SHANK2: variants seen among roughly 807,000 people sequenced by gnomAD.
SHANK2 encodes the protein SH3 and multiple ankyrin repeat domains protein 2.
SHANK2 carries 43 observed loss-of-function variants against 133.7 expected under a neutral mutation model. The observed-to-expected ratio is 0.32, with a 90% confidence interval of 0.25 to 0.41. The LOEUF (loss-of-function observed/expected upper bound fraction) is 0.41, where lower values mean the gene tolerates loss of function less well. Among genes scored for constraint, SHANK2 ranks in the 10% least tolerant of loss-of-function variants. SHANK2 has a pLI of 1.00. For synonymous variants in SHANK2, 1,017 were observed against 952.8 expected (o/e 1.07, Z -1.24); for missense variants, 1,994 against 2,235.8 (o/e 0.89, Z 2.18).
At chr11:70,572,273 C>T (rs1183131982) in intron 17 of SHANK2, among the ~76,000 whole-genome samples, 5 of 152,232 alleles carry the variant, frequency 3.3e-5, no homozygotes, top group Non-Finnish European at 5.9e-5. Context: ...GATTCTCCTG[C>T]CTCAGCCTCC....
intron 14 of SHANK2, among the ~76,000 whole-genome samples, chr11:70,701,568 T>C (rs530550972): frequency 6.7e-6 from 1 of 150,058 alleles, no homozygotes; most frequent in Admixed American, 6.6e-5. Flanking sequence ...GCCCAGCTAA[T>C]TTTTATATTT....
chr11:71,111,284 C>T (rs1201959426), intron 5 of SHANK2, among the ~76,000 whole-genome samples: 1 of 152,164 alleles, frequency 6.6e-6, no homozygotes, highest in Non-Finnish European at 1.5e-5. Flanking sequence ...GAGTGAGGCC[C>T]GCAGATTGGT....
intron 17 of SHANK2, among the ~76,000 whole-genome samples, chr11:70,559,847 C>T (rs10899158): frequency 0.22 from 33,531 of 150,238 alleles, 4,198 homozygotes; most frequent in East Asian, 0.42. Flanking sequence ...CCCAGACCAC[C>T]CATATTCTGG....
chr11:70,606,332 G>A (rs782458938), intron 17 of SHANK2, among the ~76,000 whole-genome samples: 6 of 151,988 alleles, frequency 3.9e-5, no homozygotes, highest in South Asian at 2.1e-4. Context: ...TGGGAGGATC[G>A]CTTGAGGCCA....
intron 14 of SHANK2, among the ~76,000 whole-genome samples, chr11:70,713,601 G>T (rs1052215897): frequency 6.6e-6 from 1 of 152,220 alleles, no homozygotes; most frequent in South Asian, 2.1e-4. Flanking sequence ...CCAGGGTGAG[G>T]TGTCAGCCTC....
chr11:70,561,750 G>T (rs551069), intron 17 of SHANK2, among the ~76,000 whole-genome samples: 1 of 152,026 alleles, frequency 6.6e-6, no homozygotes, highest in Non-Finnish European at 1.5e-5. Flanking sequence ...GCCCAGGCTG[G>T]TCTTGAACTC....
chr11:70,876,710 G>A (rs1429954301), intron 11 of SHANK2, among the ~76,000 whole-genome samples: 1 of 152,178 alleles, frequency 6.6e-6, no homozygotes, highest in Non-Finnish European at 1.5e-5. Context: ...GGCTGCAGCA[G>A]GTGACAACAC....
At chr11:70,505,688 TGGG>T (rs782247292) in intron 17 of SHANK2, among the ~76,000 whole-genome samples, 42 of 151,982 alleles carry the variant, frequency 2.8e-4, no homozygotes, top group Admixed American at 7.9e-4. Context: ...ATCTGATGCT[TGGG>T]GAGAGTACGA....
intron 1 of SHANK2, among the ~76,000 whole-genome samples, chr11:71,241,108 C>T (rs1555124347): frequency 2.0e-5 from 3 of 152,198 alleles, no homozygotes; most frequent in African/African-American, 7.2e-5. Context: ...TGAAAGCTAG[C>T]TCTGTGCACG....
chr11:70,550,083 G>A (rs1439335892), intron 17 of SHANK2, among the ~76,000 whole-genome samples: 5 of 152,274 alleles, frequency 3.3e-5, no homozygotes, highest in African/African-American at 1.2e-4. Context: ...AGCAGCTCAG[G>A]CCTACCAGCT....
intron 6 of SHANK2, among the ~76,000 whole-genome samples, chr11:71,106,510 T>C (rs4285899): frequency 0.59 from 89,565 of 151,586 alleles, 26,552 homozygotes; most frequent in South Asian, 0.67. Context: ...AAGGTAACTC[T>C]GTGCTACTGT....
intron 2 of SHANK2, among the ~76,000 whole-genome samples, chr11:71,165,061 T>C (rs1953112703): frequency 1.3e-5 from 2 of 150,000 alleles, no homozygotes; most frequent in Admixed American, 6.7e-5. Context: ...TGAGATGGAG[T>C]CTCACTGTGT....
At chr11:70,771,413 G>A (rs1947247270) in intron 14 of SHANK2, among the ~76,000 whole-genome samples, 1 of 152,214 alleles carries the variant, frequency 6.6e-6, no homozygotes, top group Non-Finnish European at 1.5e-5. Context: ...CCATCCCAGG[G>A]CAGTGGCATC....
At chr11:70,748,671 A>G (rs1221949512) in intron 14 of SHANK2, among the ~76,000 whole-genome samples, 3 of 152,190 alleles carry the variant, frequency 2.0e-5, no homozygotes, top group African/African-American at 7.2e-5. Flanking sequence ...CCCACCCCCA[A>G]TATAATTCCT....
rs113579865 is a variant in SHANK2 at position 70,599,714 on chromosome 11, C to A, written c.2061+60114G>T. ...GGCTAAGGCAGGAGAATTGTTTGAA[C>A]CTGGGAGGAAGAGGTTGCAGTGAGT... On this transcript the variant is annotated intron_variant, in intron 17 of 25. Transcript: ENST00000601538. 2.0e-5 allele frequency among the ~76,000 whole-genome samples: 3 copies of A among 147,076 alleles called. No homozygotes were observed. The South Asian group carries it at 6.6e-4, about 32-fold the overall frequency.
chr11:70,603,727 CAA>C (rs2060531826), intron 17 of SHANK2: 1 of 152,770 alleles, frequency 6.5e-6, no homozygotes, highest in Non-Finnish European at 1.5e-5. Context: ...CAGAAAAACT[CAA>C]GAGGCGCCAG....
intron 3 of SHANK2, among the ~76,000 whole-genome samples, chr11:71,131,730 A>G (rs11232176): frequency 0.13 from 19,108 of 152,222 alleles, 1,362 homozygotes; most frequent in Non-Finnish European, 0.16. Flanking sequence ...GAAGCAATAA[A>G]TTGAAGTGAA....
At chr11:70,700,173 A>C (rs1007006992) in intron 14 of SHANK2, among the ~76,000 whole-genome samples, 3 of 151,506 alleles carry the variant, frequency 2.0e-5, no homozygotes, top group Non-Finnish European at 2.9e-5. Context: ...CTCCCCACAA[A>C]CCCCCGAGGC....
intron 12 of SHANK2, among the ~76,000 whole-genome samples, chr11:70,815,145 G>GACCAGC (rs1160985707): frequency 1.4e-5 from 2 of 141,860 alleles, no homozygotes; most frequent in Non-Finnish European, 3.0e-5. Flanking sequence ...TACCCTCCCG[G>GACCAGC]ACCAGCACCT....
Sources: allele counts gnomAD v4.1 joint callset (sites outside exome capture counted in the v4.1 genomes callset), GRCh38; gene constraint gnomAD v4.1.1; transcripts MANE v1.5; gene names NCBI Gene and HGNC (gene_info 2026-07-23, HGNC 2026-07-21).